The following PDE4B variants were observed in gnomAD, a reference collection of about 807,000 sequenced individuals.
The protein encoded by PDE4B is 3',5'-cyclic-AMP phosphodiesterase 4B.
PDE4B carries 20 observed loss-of-function variants against 82.2 expected under a neutral mutation model. That is an observed-to-expected ratio of 0.24 (90% confidence interval 0.17 to 0.35). PDE4B has a LOEUF of 0.35. PDE4B is among the 10% of genes least tolerant of loss of function. The pLI, the probability that PDE4B is intolerant of heterozygous loss-of-function variation, is 1.00. For synonymous variants in PDE4B, 320 were observed against 318.9 expected (o/e 1.00, Z -0.04); for missense variants, 655 against 907.2 (o/e 0.72, Z 3.57).
intron 3 of PDE4B, among the ~76,000 whole-genome samples, chr1:65,980,390 CAGCTGTTGCTGTCACGATTCAGAAAT>C (rs1650626011): frequency 6.6e-6 from 1 of 152,102 alleles, no homozygotes; most frequent in Non-Finnish European, 1.5e-5. Flanking sequence ...CTTTAGTCTT[CAGCTGTTGCTGTCACGATTCAGAAAT>C]TTGGATCTCT....
At chr1:66,126,317 T>C (rs614350) in intron 3 of PDE4B, among the ~76,000 whole-genome samples, 48,321 of 152,070 alleles carry the variant, frequency 0.32, 8,202 homozygotes, top group Admixed American at 0.41. Flanking sequence ...ATCAAGATGA[T>C]AACTTTCTAC....
chr1:66,180,425 G>T (rs182316854), intron 3 of PDE4B, among the ~76,000 whole-genome samples: 2 of 152,304 alleles, frequency 1.3e-5, no homozygotes, highest in East Asian at 3.9e-4. Flanking sequence ...TCTTTGAGAA[G>T]TCCTGGAGGT....
intron 16 of PDE4B, among the ~76,000 whole-genome samples, chr1:66,371,133 T>TATATATATATAA (rs1223854748): frequency 2.4e-5 from 3 of 127,106 alleles, no homozygotes; most frequent in African/African-American, 6.2e-5. Context: ...TATATATATA[T>TATATATATATAA]AATTTTATTT....
chr1:66,179,005 G>A (rs1159409559), intron 3 of PDE4B, among the ~76,000 whole-genome samples: 1 of 152,012 alleles, frequency 6.6e-6, no homozygotes, highest in Non-Finnish European at 1.5e-5. Flanking sequence ...CACCTGCCAG[G>A]AAGGACTGGA....
At chr1:65,921,672 G>T (rs1176344455) in intron 3 of PDE4B, among the ~76,000 whole-genome samples, 1 of 152,232 alleles carries the variant, frequency 6.6e-6, no homozygotes, top group African/African-American at 2.4e-5. Flanking sequence ...ACGAAGAAGT[G>T]TAGCTGTGTT....
At chr1:65,897,614 T>A (rs561304351) in intron 1 of PDE4B, among the ~76,000 whole-genome samples, 1 of 152,104 alleles carries the variant, frequency 6.6e-6, no homozygotes, top group Non-Finnish European at 1.5e-5. Flanking sequence ...GTTAATCTGC[T>A]TAGGATAATG....
intron 7 of PDE4B, among the ~76,000 whole-genome samples, chr1:66,284,124 A>G (rs1570621721): frequency 1.3e-5 from 2 of 152,232 alleles, no homozygotes; most frequent in East Asian, 3.8e-4. Flanking sequence ...TTTCAGAAGC[A>G]TGAATAAAGT....
intron 3 of PDE4B, among the ~76,000 whole-genome samples, chr1:66,240,038 A>G (rs1652766056): frequency 6.6e-6 from 1 of 152,230 alleles, no homozygotes; most frequent in Non-Finnish European, 1.5e-5. Flanking sequence ...TTGGGCTTAG[A>G]GCCCTGTGGA....
At chr1:66,358,929 G>A (rs1470425551) in intron 9 of PDE4B, among the ~76,000 whole-genome samples, 1 of 152,150 alleles carries the variant, frequency 6.6e-6, no homozygotes, top group Admixed American at 6.5e-5. Context: ...GGAGGACAGG[G>A]AGAAAGGCAG....
chr1:66,086,540 C>G (rs1336120500), intron 3 of PDE4B, among the ~76,000 whole-genome samples: 1 of 152,098 alleles, frequency 6.6e-6, no homozygotes, highest in Non-Finnish European at 1.5e-5. Context: ...ATGAGTGTTC[C>G]TATTATGATT....
At chr1:66,141,366 A>T (rs1646169007) in intron 3 of PDE4B, among the ~76,000 whole-genome samples, 2 of 138,666 alleles carry the variant, frequency 1.4e-5, no homozygotes, top group Non-Finnish European at 3.2e-5. Context: ...ATATATATAT[A>T]TGAAGAAACT....
At chr1:66,070,815 A>G (rs1366105829) in intron 3 of PDE4B, among the ~76,000 whole-genome samples, 1 of 152,106 alleles carries the variant, frequency 6.6e-6, no homozygotes, top group Non-Finnish European at 1.5e-5. Context: ...GTTTATTTTT[A>G]AATATTCATA....
chr1:66,229,490 C>T (rs1651773696), intron 3 of PDE4B, among the ~76,000 whole-genome samples: 1 of 152,218 alleles, frequency 6.6e-6, no homozygotes, highest in Non-Finnish European at 1.5e-5. Context: ...AGCTTCCTGG[C>T]TTTGAGCCAT....
chr1:66,333,836 T>A (rs1428642174), intron 8 of PDE4B, among the ~76,000 whole-genome samples: 1 of 151,768 alleles, frequency 6.6e-6, no homozygotes, highest in African/African-American at 2.4e-5. Context: ...AGGGCAAAAA[T>A]AAGTCCCTTT....
rs777729758 is a variant in PDE4B, at chr1:65,958,758, G to A, written c.281+39923G>A. 1.3e-4 allele frequency among the ~76,000 whole-genome samples: 19 copies of A among 149,164 alleles called. No homozygotes were observed. The South Asian group carries it at 2.9e-3, about 23-fold the overall frequency. Reference sequence around the variant, plus strand: ...TACACACACACACACACGCGCGCGCGCGCGCGCACACACATACACACACGC... The same window carrying A: ...TACACACACACACACACGCGCGCGCACGCGCGCACACACATACACACACGC... On this transcript the variant is annotated intron_variant, in intron 3 of 16. Transcript: ENST00000341517.
chr1:65,967,645 TA>T (rs765442979), intron 3 of PDE4B, among the ~76,000 whole-genome samples: 32 of 152,066 alleles, frequency 2.1e-4, no homozygotes, highest in Non-Finnish European at 4.0e-4. Flanking sequence ...ATAGATTGGA[TA>T]AAGAAAATGT....
intron 7 of PDE4B, among the ~76,000 whole-genome samples, chr1:66,327,117 TA>T (rs1296970698): frequency 6.6e-6 from 1 of 152,190 alleles, no homozygotes; most frequent in Non-Finnish European, 1.5e-5. Flanking sequence ...GGTTTCTAAT[TA>T]CCCTTTCCTG....
At chr1:66,289,321 A>G (rs1358066947) in intron 7 of PDE4B, among the ~76,000 whole-genome samples, 1 of 152,148 alleles carries the variant, frequency 6.6e-6, no homozygotes, top group Admixed American at 6.6e-5. Context: ...CAGGAGGGAG[A>G]GACAGACTAT....
chr1:66,067,845 T>G (rs993200415), intron 3 of PDE4B, among the ~76,000 whole-genome samples: 43 of 151,130 alleles, frequency 2.8e-4, no homozygotes, highest in African/African-American at 1.0e-3. Context: ...CATTTAAGTC[T>G]TTAATCCATC....
Sources: allele counts gnomAD v4.1 joint callset (sites outside exome capture counted in the v4.1 genomes callset), GRCh38; gene constraint gnomAD v4.1.1; transcripts MANE v1.5; gene names NCBI Gene and HGNC (gene_info 2026-07-23, HGNC 2026-07-21).